MACROD2: variants seen among roughly 807,000 people sequenced by gnomAD.
The protein encoded by MACROD2 is ADP-ribose glycohydrolase MACROD2.
Under a neutral mutation model 70.4 loss-of-function variants are expected in MACROD2, and 36 were observed. The observed-to-expected ratio is 0.51, with a 90% CI of 0.39 to 0.68. The LOEUF (loss-of-function observed/expected upper bound fraction) is 0.68. Ranked by LOEUF, MACROD2 falls within the 30% of genes least tolerant of loss-of-function variation. The probability of loss-of-function intolerance (pLI) is 0.00; values close to 1 mark genes in which losing one functional copy is unlikely to be tolerated. For synonymous variants in MACROD2, 172 were observed against 178.8 expected (o/e 0.96, Z 0.30); for missense variants, 496 against 538.4 (o/e 0.92, Z 0.78).
In MACROD2 at chr20:15,760,078, C is replaced by T. The variant is rs1295919651; in HGVS notation, c.646-102667C>T. The stretch of plus-strand genomic sequence containing the variant: ...TGGAGTGCCACAAAGATCAACCCCA[C>T]GTGAGCCAATCACAAAACATCTTCC... On this transcript the variant is annotated intron_variant, in intron 8 of 17. Transcript: ENST00000684519. Among the ~76,000 whole-genome samples, 6 of 152,198 alleles carry T rather than the reference C, an allele frequency of 3.9e-5. No individual in the cohort carries two copies. In the East Asian group the frequency reaches 5.8e-4, roughly 15 times the overall value.
chr20:15,791,056 G>A (rs1347545060), intron 8 of MACROD2, among the ~76,000 whole-genome samples: 1 of 151,706 alleles, frequency 6.6e-6, no homozygotes, highest in Non-Finnish European at 1.5e-5. Context: ...TTTTCAAAAG[G>A]TCTAAAACTC....
At chr20:14,592,225 G>T (rs958343504) in intron 4 of MACROD2, among the ~76,000 whole-genome samples, 3 of 152,126 alleles carry the variant, frequency 2.0e-5, no homozygotes, top group Non-Finnish European at 2.9e-5. Flanking sequence ...GAATGAGAAG[G>T]TTACATGAAA....
At chr20:14,842,977 G>T (rs1180622221) in intron 5 of MACROD2, among the ~76,000 whole-genome samples, 1 of 151,916 alleles carries the variant, frequency 6.6e-6, no homozygotes, top group Non-Finnish European at 1.5e-5. Flanking sequence ...GAGTGTATGT[G>T]CCACTCTCTC....
chr20:15,722,711 T>A (rs1388370495), intron 8 of MACROD2, among the ~76,000 whole-genome samples: 1 of 152,208 alleles, frequency 6.6e-6, no homozygotes, highest in Non-Finnish European at 1.5e-5. Flanking sequence ...ATATCTTTGA[T>A]AAAGTGAATT....
At chr20:15,245,147 A>G (rs2077094631) in intron 6 of MACROD2, among the ~76,000 whole-genome samples, 1 of 152,188 alleles carries the variant, frequency 6.6e-6, no homozygotes, top group South Asian at 2.1e-4. Flanking sequence ...GCCTTCATTT[A>G]TTTTACACAT....
chr20:15,226,909 G>A (rs1446834560), intron 5 of MACROD2, among the ~76,000 whole-genome samples: 1 of 152,050 alleles, frequency 6.6e-6, no homozygotes, highest in Non-Finnish European at 1.5e-5. Context: ...TCAAAGACAG[G>A]CCTCCTGACT....
intron 5 of MACROD2, among the ~76,000 whole-genome samples, chr20:14,953,480 G>A (rs1247379717): frequency 6.6e-6 from 1 of 151,968 alleles, no homozygotes; most frequent in Non-Finnish European, 1.5e-5. Context: ...CTAATTTTTT[G>A]TATTTTTGGT....
chr20:14,449,740 G>A (rs1489824327), intron 3 of MACROD2, among the ~76,000 whole-genome samples: 1 of 152,060 alleles, frequency 6.6e-6, no homozygotes, highest in African/African-American at 2.4e-5. Flanking sequence ...CATTTTATTG[G>A]TTAGAGGATT....
At chr20:14,728,992 G>T (rs930531542) in intron 5 of MACROD2, among the ~76,000 whole-genome samples, 1 of 152,012 alleles carries the variant, frequency 6.6e-6, no homozygotes, top group Non-Finnish European at 1.5e-5. Flanking sequence ...ATATGCCTGT[G>T]TTTACATCTT....
chr20:14,826,672 G>C (rs1370933886), intron 5 of MACROD2, among the ~76,000 whole-genome samples: 1 of 152,064 alleles, frequency 6.6e-6, no homozygotes, highest in Non-Finnish European at 1.5e-5. Context: ...CCTTTGGGTT[G>C]TGTTTGTAAC....
chr20:15,270,639 G>T (rs2077338101), intron 6 of MACROD2, among the ~76,000 whole-genome samples: 1 of 152,064 alleles, frequency 6.6e-6, no homozygotes, highest in African/African-American at 2.4e-5. Flanking sequence ...AATACCTTTT[G>T]GGCAAAAATA....
rs118066050 is a variant in MACROD2 at position 15,560,126 on chromosome 20, G to A, written c.645+60279G>A. 2.6e-3 allele frequency among the ~76,000 whole-genome samples: 392 copies of A among 152,256 alleles called. 10 individuals are homozygous for A. In the East Asian group the frequency reaches 0.051, roughly 20 times the overall value. ...TGGTGGTCTCTTCTAGTTTAAAAGG[G>A]CAACCATGTTTTCCTATCATTTTAT... On this transcript the variant is annotated intron_variant, in intron 8 of 17. Coordinates refer to ENST00000684519, the MANE Select transcript of MACROD2 (RefSeq NM_001351661.2).
At chr20:14,992,501 C>T (rs1184983151) in intron 5 of MACROD2, among the ~76,000 whole-genome samples, 1 of 152,086 alleles carries the variant, frequency 6.6e-6, no homozygotes. Context: ...TATACTAATG[C>T]AGTAGGTTGA....
chr20:14,111,725 A>G (rs2054453429), intron 3 of MACROD2, among the ~76,000 whole-genome samples: 1 of 152,038 alleles, frequency 6.6e-6, no homozygotes, highest in African/African-American at 2.4e-5. Flanking sequence ...GCTGGAGAGG[A>G]TATGGAGAAA....
intron 17 of MACROD2, among the ~76,000 whole-genome samples, chr20:16,049,381 A>G (rs936255359): frequency 6.6e-6 from 1 of 152,188 alleles, no homozygotes; most frequent in Admixed American, 6.5e-5. Flanking sequence ...GGTAGTGAAT[A>G]AGGCAGATAA....
chr20:15,759,669 G>A (rs1352484217), intron 8 of MACROD2, among the ~76,000 whole-genome samples: 1 of 152,196 alleles, frequency 6.6e-6, no homozygotes, highest in African/African-American at 2.4e-5. Context: ...CTGCCCTTAG[G>A]TTTGATGGCT....
intron 5 of MACROD2, among the ~76,000 whole-genome samples, chr20:15,088,439 AT>A (rs1568567410): frequency 4.4e-3 from 150 of 34,422 alleles, no homozygotes; most frequent in Non-Finnish European, 7.1e-3. Flanking sequence ...ATATATATAT[AT>A]ATATATATAT....
At chr20:14,791,616 C>T (rs6105328) in intron 5 of MACROD2, among the ~76,000 whole-genome samples, 3 of 151,916 alleles carry the variant, frequency 2.0e-5, no homozygotes, top group East Asian at 1.9e-4. Flanking sequence ...AAGTGATGAC[C>T]TTAGACATGA....
intron 8 of MACROD2, among the ~76,000 whole-genome samples, chr20:15,707,762 G>A (rs569867144): frequency 2.0e-5 from 3 of 151,996 alleles, no homozygotes; most frequent in African/African-American, 7.2e-5. Context: ...TCCAGCCTGG[G>A]CAACAGAGTG....
Sources: gnomAD v4.1 joint callset for allele counts (sites outside exome capture counted in the v4.1 genomes callset) on GRCh38, gnomAD v4.1.1 for gene constraint, MANE v1.5 for transcripts, NCBI Gene and HGNC (gene_info 2026-07-23, HGNC 2026-07-21) for gene names.